Variants in CCND3 observed in about 807,000 individuals in gnomAD.
The protein encoded by CCND3 is G1/S-specific cyclin-D3.
In CCND3, 9 loss-of-function variants were observed where a neutral mutation model predicts 28.7. The ratio of observed to expected loss-of-function variants is 0.31; its 90% confidence interval spans 0.19 to 0.55. The LOEUF is 0.55. CCND3 is among the 20% of genes least tolerant of loss of function. CCND3 has a pLI of 0.93. For missense variants in CCND3, 315 were observed against 385.8 expected, an observed-to-expected ratio of 0.82 and a Z score of 1.54; for synonymous variants, 164 against 163.9, an observed-to-expected ratio of 1.00 and a Z score of 0.00.
chr6:42,016,734 G>C (rs908659702), intron 1 of CCND3, among the ~76,000 whole-genome samples: 1 of 151,496 alleles, frequency 6.6e-6, no homozygotes, highest in Non-Finnish European at 1.5e-5. Context: ...ACAGGCACCC[G>C]CCATCATGCC....
intron 1 of CCND3, among the ~76,000 whole-genome samples, chr6:41,963,457 T>A (rs905848212): frequency 6.6e-6 from 1 of 152,232 alleles, no homozygotes; most frequent in Non-Finnish European, 1.5e-5. Flanking sequence ...AAGTGTGCTT[T>A]ATTGAAGCTG....
At chr6:41,994,804 T>G (rs1762747895) in intron 1 of CCND3, among the ~76,000 whole-genome samples, 1 of 152,118 alleles carries the variant, frequency 6.6e-6, no homozygotes, top group African/African-American at 2.4e-5. Context: ...CCGGGCGCGG[T>G]GGCTTATGCT....
At chr6:41,996,042 G>A (rs1202504752) in intron 1 of CCND3, among the ~76,000 whole-genome samples, 1 of 149,488 alleles carries the variant, frequency 6.7e-6, no homozygotes, top group East Asian at 1.9e-4. Context: ...AGACGGTAGA[G>A]GATTTTCTTT....
chr6:42,006,638 G>T (rs1208476880), intron 1 of CCND3, among the ~76,000 whole-genome samples: 1 of 152,204 alleles, frequency 6.6e-6, no homozygotes, highest in African/African-American at 2.4e-5. Flanking sequence ...GCCAGGCGCG[G>T]TGGCCCATGC....
At chr6:41,958,493 A>C (rs1776494147) in intron 1 of CCND3, among the ~76,000 whole-genome samples, 1 of 152,198 alleles carries the variant, frequency 6.6e-6, no homozygotes. Context: ...TATCAAACAC[A>C]AGATATACCT....
At chr6:42,046,221 G>C (rs1562002720) in intron 1 of CCND3, among the ~76,000 whole-genome samples, 1 of 152,194 alleles carries the variant, frequency 6.6e-6, no homozygotes, top group Non-Finnish European at 1.5e-5. Flanking sequence ...GTTTCAGAAA[G>C]GAGGTGGAAA....
intron 1 of CCND3, among the ~76,000 whole-genome samples, chr6:41,964,634 T>C (rs1322873873): frequency 6.6e-6 from 1 of 152,152 alleles, no homozygotes; most frequent in Non-Finnish European, 1.5e-5. Flanking sequence ...AGAGAGCATC[T>C]GGCCTATGTG....
At position 41,936,040 on chromosome 6, in the gene CCND3, T is replaced by A. The variant is rs1229059635; in HGVS notation, c.779A>T (p.Gln260Leu). 1 of 1,613,272 alleles carries A rather than the reference T, an allele frequency of 6.2e-7. No homozygotes were observed. Among genetic ancestry groups the A allele is most frequent in the East Asian group, 2.2e-5 (1 of 44,886 alleles). ...ALRESLREAS[Q>L]TSSSPAPKAP... ...TTTGGGCGCTGGGCTGGAGCTGGTC[T>A]GAGAGGCTTCCCTGAGGCTCTCCCT... is the stretch of plus-strand genomic sequence containing the variant. Residue 260 changes from glutamine to leucine, a missense_variant, in exon 5 of 5, where the codon CAG becomes CTG. Physicochemically the swap from Gln to Leu is moderately radical, Grantham distance 113. Coordinates refer to ENST00000372991, the MANE Select transcript of CCND3 (RefSeq NM_001760.5). The surrounding 1 kb of genome is among the most constrained non-coding windows in gnomAD (Gnocchi z 4.4).
chr6:42,020,953 T>G (rs1452885054), intron 1 of CCND3, among the ~76,000 whole-genome samples: 2 of 152,214 alleles, frequency 1.3e-5, no homozygotes, highest in Non-Finnish European at 2.9e-5. Context: ...GGTTTCTCCA[T>G]GTTGGCCAGG....
At chr6:42,006,455 C>T (rs968705725) in intron 1 of CCND3, among the ~76,000 whole-genome samples, 4 of 151,878 alleles carry the variant, frequency 2.6e-5, no homozygotes, top group Admixed American at 6.6e-5. Context: ...GCAAGGATGC[C>T]TGCTGTCCTT....
intron 1 of CCND3, among the ~76,000 whole-genome samples, chr6:41,990,241 G>A (rs1312777201): frequency 1.3e-5 from 2 of 151,710 alleles, no homozygotes; most frequent in African/African-American, 4.8e-5. Flanking sequence ...TTACCAAGGA[G>A]GTGAAAGACT....
upstream of CCND3, among the ~76,000 whole-genome samples, chr6:42,049,399 C>T (rs1764659733): frequency 6.6e-6 from 1 of 152,228 alleles, no homozygotes; most frequent in African/African-American, 2.4e-5. Context: ...ATCATCTCAT[C>T]TTTCCCCCAG....
intron 1 of CCND3, among the ~76,000 whole-genome samples, chr6:41,974,487 A>G (rs1321469433): frequency 1.3e-5 from 2 of 152,046 alleles, no homozygotes; most frequent in Non-Finnish European, 2.9e-5. Context: ...GCTAGGGCTC[A>G]CTCAGTGTAC....
intron 1 of CCND3, among the ~76,000 whole-genome samples, chr6:42,012,294 T>C (rs1257944239): frequency 6.6e-6 from 1 of 151,776 alleles, no homozygotes; most frequent in Non-Finnish European, 1.5e-5. Flanking sequence ...TAATCCCAGC[T>C]ACTTGGGAGG....
intron 1 of CCND3, among the ~76,000 whole-genome samples, chr6:41,991,166 C>T (rs1350220345): frequency 6.6e-6 from 1 of 151,480 alleles, no homozygotes. Flanking sequence ...TCAAGCGATT[C>T]TTCTGCCTCA....
rs117691669 is a variant in CCND3 at position 41,961,748 on chromosome 6, C to T, written c.-45-21163G>A. 4.6e-5 allele frequency among the ~76,000 whole-genome samples: 7 copies of T among 152,192 alleles called. No individual in the cohort carries two copies. The East Asian group carries it at 1.2e-3, about 25-fold the overall frequency. On this transcript the variant is annotated intron_variant, in intron 1 of 4. Coordinates refer to the CCND3 transcript ENST00000372988. Reference sequence around the variant, plus strand: ...CATTGCTCCAGCTCTACCCTCCACCCCAAACTCCCAGCCCACATCCCCACC... The same window carrying T: ...CATTGCTCCAGCTCTACCCTCCACCTCAAACTCCCAGCCCACATCCCCACC...
At chr6:41,985,289 G>C (rs956297226) in intron 1 of CCND3, among the ~76,000 whole-genome samples, 8 of 145,960 alleles carry the variant, frequency 5.5e-5, no homozygotes, top group African/African-American at 2.0e-4. Context: ...TACAGTTTCA[G>C]GTCTCAGTTC....
chr6:42,000,234 CTT>C (rs70987562), intron 1 of CCND3, among the ~76,000 whole-genome samples: 34 of 51,032 alleles, frequency 6.7e-4, no homozygotes, highest in East Asian at 1.6e-3. Flanking sequence ...TGAAAACATA[CTT>C]TTTTTTTTTT....
chr6:42,044,444 A>G (rs1764468623), intron 1 of CCND3, among the ~76,000 whole-genome samples: 1 of 152,210 alleles, frequency 6.6e-6, no homozygotes, highest in Admixed American at 6.5e-5. Flanking sequence ...ATGGGAGAGC[A>G]AAGAATGACA....
Sources: gnomAD v4.1 joint callset for allele counts (sites outside exome capture counted in the v4.1 genomes callset) on GRCh38, gnomAD v4.1.1 for gene constraint, Gnocchi (gnomAD v3.1) non-coding constraint, MANE v1.5 for transcripts, NCBI Gene and HGNC (gene_info 2026-07-23, HGNC 2026-07-21) for gene names.